The following MYO1D variants were observed in gnomAD, a reference collection of about 807,000 sequenced individuals.
MYO1D encodes myosin ID, also known as unconventional myosin-Id.
Under a neutral mutation model 122.0 loss-of-function variants are expected in MYO1D, and 83 were observed. The observed-to-expected ratio is 0.68, with a 90% CI of 0.57 to 0.82. The LOEUF is 0.82. Among genes scored for constraint, MYO1D ranks in the 40% least tolerant of loss-of-function variants. MYO1D has a pLI of 0.00. For synonymous variants in MYO1D, 464 were observed against 446.9 expected (o/e 1.04, Z -0.48); for missense variants, 1,157 against 1,269.5 (o/e 0.91, Z 1.35).
At chr17:32,544,946 A>G (rs1160604542) in intron 21 of MYO1D, among the ~76,000 whole-genome samples, 2 of 152,050 alleles carry the variant, frequency 1.3e-5, no homozygotes, top group Non-Finnish European at 2.9e-5. Context: ...GTTCTCTGTG[A>G]CTTCTCTTTC....
At chr17:32,743,306 C>A (rs936935426) in intron 13 of MYO1D, among the ~76,000 whole-genome samples, 2 of 152,164 alleles carry the variant, frequency 1.3e-5, no homozygotes, top group African/African-American at 4.8e-5. Context: ...CCACCTTTCC[C>A]CTGAGATTCA....
At chr17:32,743,666 G>A (rs563592148) in intron 13 of MYO1D, among the ~76,000 whole-genome samples, 1 of 151,732 alleles carries the variant, frequency 6.6e-6, no homozygotes, top group East Asian at 1.9e-4. Flanking sequence ...CGCCCAGGCT[G>A]GAGTGCAGTG....
At chr17:32,751,542 G>A (rs1174952462) in intron 11 of MYO1D, among the ~76,000 whole-genome samples, 3 of 152,064 alleles carry the variant, frequency 2.0e-5, no homozygotes, top group Non-Finnish European at 2.9e-5. Context: ...AAGACTCCTA[G>A]ACTTGATAAG....
chr17:32,800,939 T>C (rs1422329254), intron 1 of MYO1D, among the ~76,000 whole-genome samples: 1 of 152,164 alleles, frequency 6.6e-6, no homozygotes, highest in Non-Finnish European at 1.5e-5. Flanking sequence ...GTGACAGATA[T>C]GCTAATTACT....
intron 13 of MYO1D, among the ~76,000 whole-genome samples, chr17:32,741,706 T>G (rs1024510316): frequency 2.1e-4 from 32 of 152,124 alleles, no homozygotes; most frequent in African/African-American, 7.5e-4. Context: ...ACAATTACAG[T>G]TGGCTCTCCA....
chr17:32,823,303 C>A (rs1265242001), intron 1 of MYO1D, among the ~76,000 whole-genome samples: 1 of 152,144 alleles, frequency 6.6e-6, no homozygotes, highest in Non-Finnish European at 1.5e-5. Flanking sequence ...AGGGTCAGGG[C>A]ACTGATGACA....
At chr17:32,856,240 C>A (rs555057244) in intron 1 of MYO1D, among the ~76,000 whole-genome samples, 1 of 152,298 alleles carries the variant, frequency 6.6e-6, no homozygotes, top group South Asian at 2.1e-4. Flanking sequence ...TCATCCTCTT[C>A]ATGTCTGCTG....
At chr17:32,642,048 G>GT (rs1357504850) in intron 19 of MYO1D, among the ~76,000 whole-genome samples, 1 of 152,154 alleles carries the variant, frequency 6.6e-6, no homozygotes, top group African/African-American at 2.4e-5. Flanking sequence ...TTCTTCTAGG[G>GT]TTTTTATGGT....
intron 1 of MYO1D, among the ~76,000 whole-genome samples, chr17:32,817,102 A>AT (rs888767599): frequency 6.6e-6 from 1 of 152,092 alleles, no homozygotes; most frequent in African/African-American, 2.4e-5. Flanking sequence ...TGATTTTTAA[A>AT]TTTTTTTGTA....
At chr17:32,789,894 G>A (rs1347820858) in intron 1 of MYO1D, among the ~76,000 whole-genome samples, 2 of 152,148 alleles carry the variant, frequency 1.3e-5, no homozygotes, top group East Asian at 3.8e-4. Context: ...CTAGTTTTCT[G>A]AACTGTGAGA....
intron 16 of MYO1D, among the ~76,000 whole-genome samples, chr17:32,693,168 C>T (rs2089125860): frequency 6.6e-6 from 1 of 152,146 alleles, no homozygotes; most frequent in South Asian, 2.1e-4. Flanking sequence ...AATCACTTCC[C>T]CTTCATTAAT....
intron 21 of MYO1D, among the ~76,000 whole-genome samples, chr17:32,599,736 T>A (rs9912719): frequency 0.037 from 5,635 of 152,248 alleles, 347 homozygotes; most frequent in African/African-American, 0.13. Context: ...CACTGCAACC[T>A]CCGCCTCCCA....
intron 19 of MYO1D, among the ~76,000 whole-genome samples, chr17:32,649,667 G>A (rs567657485): frequency 1.6e-3 from 234 of 148,232 alleles, no homozygotes; most frequent in African/African-American, 5.7e-3. Flanking sequence ...CACCCCCCGG[G>A]TTCAAGGGAT....
chr17:32,719,509 C>T (rs368518387), intron 15 of MYO1D, among the ~76,000 whole-genome samples: 4 of 151,954 alleles, frequency 2.6e-5, no homozygotes, highest in Non-Finnish European at 5.9e-5. Context: ...CGCCACCACG[C>T]CCGGCTAATT....
At chr17:32,613,789 C>CAAAAAAAAAAAAAA (rs60701225) in intron 20 of MYO1D, among the ~76,000 whole-genome samples, 2 of 51,060 alleles carry the variant, frequency 3.9e-5, no homozygotes, top group Non-Finnish European at 3.3e-5. Context: ...GATTCCATCT[C>CAAAAAAAAAAAAAA]AAAAAAAAAA....
intron 1 of MYO1D, among the ~76,000 whole-genome samples, chr17:32,797,451 C>T (rs927297920): frequency 2.0e-5 from 3 of 152,148 alleles, no homozygotes; most frequent in East Asian, 1.9e-4. Context: ...TTTCGCTTTT[C>T]GTGGTTTCAG....
chr17:32,508,071 A>AT (rs1332035084), intron 21 of MYO1D, among the ~76,000 whole-genome samples: 3 of 151,410 alleles, frequency 2.0e-5, no homozygotes, highest in Non-Finnish European at 4.4e-5. Context: ...CAATTTTTGT[A>AT]TTTTTAGTAC....
At chr17:32,806,175 T>C (rs140938031) in intron 1 of MYO1D, among the ~76,000 whole-genome samples, 156 of 152,184 alleles carry the variant, frequency 1.0e-3, no homozygotes, top group South Asian at 2.9e-3. Context: ...GAAGAATCAC[T>C]TGAACTCAGG....
chr17:32,737,726 A>G (rs1250455402), intron 14 of MYO1D, among the ~76,000 whole-genome samples: 1 of 152,214 alleles, frequency 6.6e-6, no homozygotes, highest in East Asian at 1.9e-4. Flanking sequence ...TTGGCCTCCC[A>G]AAGTGCTGGG....
Sources: gnomAD v4.1 joint callset for allele counts (sites outside exome capture counted in the v4.1 genomes callset) on GRCh38, gnomAD v4.1.1 for gene constraint, MANE v1.5 for transcripts, NCBI Gene and HGNC (gene_info 2026-07-23, HGNC 2026-07-21) for gene names.